Variants in TMEM170B observed in about 807,000 individuals in gnomAD.
TMEM170B encodes the protein transmembrane protein 170B.
Under a neutral mutation model 13.0 loss-of-function variants are expected in TMEM170B, and 6 were observed. The ratio of observed to expected loss-of-function variants is 0.46; its 90% CI spans 0.25 to 0.91. The LOEUF (loss-of-function observed/expected upper bound fraction) is 0.91. TMEM170B is among the 40% of genes least tolerant of loss of function. The pLI is 0.17. For synonymous variants in TMEM170B, 61 were observed against 64.9 expected (o/e 0.94, Z 0.29); for missense variants, 138 against 165.2 (o/e 0.84, Z 0.90).
At chr6:11,554,977 C>A (rs1000340642) in intron 1 of TMEM170B, among the ~76,000 whole-genome samples, 2 of 152,024 alleles carry the variant, frequency 1.3e-5, no homozygotes, top group African/African-American at 4.8e-5. Context: ...TTTTAGCCTC[C>A]TTTGTTGATT....
At chr6:11,541,175 A>AG (rs771247409) in intron 1 of TMEM170B, among the ~76,000 whole-genome samples, 116 of 152,344 alleles carry the variant, frequency 7.6e-4, no homozygotes, top group Non-Finnish European at 1.5e-3. Context: ...TTAGCTCCTA[A>AG]GAAGAGTCAG....
At chr6:11,559,680 A>G (rs919933300) in intron 1 of TMEM170B, among the ~76,000 whole-genome samples, 1 of 152,172 alleles carries the variant, frequency 6.6e-6, no homozygotes, top group African/African-American at 2.4e-5. Flanking sequence ...CCCCAAATTC[A>G]GAAGTCATTG....
At chr6:11,540,447 C>T (rs1759344879) in intron 1 of TMEM170B, among the ~76,000 whole-genome samples, 1 of 152,180 alleles carries the variant, frequency 6.6e-6, no homozygotes, top group African/African-American at 2.4e-5. Context: ...ACTTTCTTTG[C>T]TCATCCATAA....
Position 11,554,192 on chromosome 6 carries a change from T to C in TMEM170B, c.98-11474T>C, listed in dbSNP as rs536186922. On this transcript the variant is annotated intron_variant, in intron 1 of 2. Coordinates refer to ENST00000379426, the MANE Select transcript of TMEM170B (RefSeq NM_001100829.3). Reference sequence around the variant, plus strand: ...TTCAGTATTTAGTATAAATATCCCATGGAAATGTTATATTATGAGATTGTA... The same window carrying C: ...TTCAGTATTTAGTATAAATATCCCACGGAAATGTTATATTATGAGATTGTA... Among the ~76,000 whole-genome samples the C allele has an allele frequency of 5.9e-5, 9 of 152,226 alleles. No individual in the cohort carries two copies. The South Asian group carries it at 1.7e-3, about 28-fold the overall frequency.
chr6:11,569,079 T>C (rs555377677), intron 2 of TMEM170B, among the ~76,000 whole-genome samples: 55 of 152,272 alleles, frequency 3.6e-4, no homozygotes, highest in African/African-American at 4.8e-4. Flanking sequence ...TCTCTTCTTA[T>C]GTTTATTATA....
chr6:11,546,115 C>T (rs1290105159), intron 1 of TMEM170B, among the ~76,000 whole-genome samples: 4 of 151,756 alleles, frequency 2.6e-5, no homozygotes, highest in Non-Finnish European at 4.4e-5. Flanking sequence ...GAGATGCCAG[C>T]TCCCTGCCTG....
chr6:11,541,344 G>T (rs574525331), intron 1 of TMEM170B, among the ~76,000 whole-genome samples: 1 of 152,188 alleles, frequency 6.6e-6, no homozygotes, highest in African/African-American at 2.4e-5. Flanking sequence ...TGGATAATTT[G>T]TGCTTCTACA....
chr6:11,544,467 C>T (rs186157967), intron 1 of TMEM170B, among the ~76,000 whole-genome samples: 8 of 152,308 alleles, frequency 5.3e-5, no homozygotes, highest in Middle Eastern at 3.4e-3. Flanking sequence ...ATGAATGGAA[C>T]TAATTTGTCC....
At chr6:11,557,640 C>G (rs1335019325) in intron 1 of TMEM170B, among the ~76,000 whole-genome samples, 1 of 152,206 alleles carries the variant, frequency 6.6e-6, no homozygotes, top group Non-Finnish European at 1.5e-5. Context: ...TTACTGCTTG[C>G]TTCTCACCAG....
chr6:11,548,841 C>A (rs553549081), intron 1 of TMEM170B, among the ~76,000 whole-genome samples: 4 of 149,140 alleles, frequency 2.7e-5, no homozygotes, highest in African/African-American at 9.9e-5. Context: ...CCAAAGATCG[C>A]GTGCTCTCAC....
chr6:11,557,307 CTG>C (rs1252127533), intron 1 of TMEM170B, among the ~76,000 whole-genome samples: 3 of 152,058 alleles, frequency 2.0e-5, no homozygotes, highest in East Asian at 3.9e-4. Context: ...AATAGAATAA[CTG>C]AACTGTTTTA....
At chr6:11,540,760 T>C (rs1056008938) in intron 1 of TMEM170B, among the ~76,000 whole-genome samples, 1 of 152,170 alleles carries the variant, frequency 6.6e-6, no homozygotes, top group African/African-American at 2.4e-5. Context: ...ATCAGAGGAA[T>C]CACTATCTCT....
intron 1 of TMEM170B, among the ~76,000 whole-genome samples, chr6:11,550,393 G>A (rs1242838289): frequency 2.6e-5 from 4 of 151,234 alleles, no homozygotes; most frequent in South Asian, 2.1e-4. Flanking sequence ...GGCTGGTCTC[G>A]AACTCCTGAC....
chr6:11,555,061 T>C (rs1027644879), intron 1 of TMEM170B, among the ~76,000 whole-genome samples: 3 of 152,198 alleles, frequency 2.0e-5, no homozygotes, highest in African/African-American at 7.2e-5. Flanking sequence ...TTTTGTAGCA[T>C]AGATCTTCTG....
chr6:11,561,725 G>T (rs146541190), intron 1 of TMEM170B, among the ~76,000 whole-genome samples: 1,593 of 152,246 alleles, frequency 0.01, 10 homozygotes, highest in Middle Eastern at 0.02. Context: ...AAGAGAGAAA[G>T]AAATATAAAA....
chr6:11,541,567 A>G (rs941873087), intron 1 of TMEM170B, among the ~76,000 whole-genome samples: 2 of 152,162 alleles, frequency 1.3e-5, no homozygotes, highest in Non-Finnish European at 2.9e-5. Flanking sequence ...AGACCACTCA[A>G]ACTTTCTTCA....
At chr6:11,560,090 G>A in intron 1 of TMEM170B, among the ~76,000 whole-genome samples, 1 of 151,924 alleles carries the variant, frequency 6.6e-6, no homozygotes, top group Non-Finnish European at 1.5e-5. Context: ...CCAGTATGCA[G>A]TAATTCTCAT....
chr6:11,540,419 A>C (rs1041534333), intron 1 of TMEM170B, among the ~76,000 whole-genome samples: 1 of 152,200 alleles, frequency 6.6e-6, no homozygotes, highest in African/African-American at 2.4e-5. Flanking sequence ...CCAGGAGTAG[A>C]TTGCATCTCA....
At chr6:11,550,526 T>C (rs902129274) in intron 1 of TMEM170B, among the ~76,000 whole-genome samples, 2 of 152,162 alleles carry the variant, frequency 1.3e-5, no homozygotes, top group East Asian at 1.9e-4. Context: ...ATGATTCTTA[T>C]ATAAAAAAAC....
Sources: allele counts gnomAD v4.1 joint callset (sites outside exome capture counted in the v4.1 genomes callset), GRCh38; gene constraint gnomAD v4.1.1; transcripts MANE v1.5; gene names NCBI Gene and HGNC (gene_info 2026-07-23, HGNC 2026-07-21).